DDX60L: variants seen among roughly 807,000 people sequenced by gnomAD.
DDX60L encodes the protein DExD/H-box 60 like.
A neutral mutation model predicts 211.6 loss-of-function variants in DDX60L; 191 were observed. The observed-to-expected ratio is 0.90, with a 90% confidence interval of 0.80 to 1.02. The LOEUF (loss-of-function observed/expected upper bound fraction) is 1.02. Among genes scored for constraint, DDX60L ranks in the 50% least tolerant of loss-of-function variants. The pLI is 0.00. For synonymous variants in DDX60L, 706 were observed against 694.1 expected, an observed-to-expected ratio of 1.02 and a Z score of -0.27; for missense variants, 2,007 against 1,984.1, an observed-to-expected ratio of 1.01 and a Z score of -0.22.
chr4:168,415,611 G>A, intron 21 of DDX60L, 46 bp downstream of exon 21: 1 of 1,444,412 alleles, frequency 6.9e-7, no homozygotes, highest in South Asian at 1.4e-5. Context: ...AAGCTTTGTA[G>A]TAAAATATAA....
At chr4:168,358,441 T>A (rs1455291463) in intron 37 of DDX60L, among the ~76,000 whole-genome samples, 165 bp from the exon 38 acceptor site, 1 of 151,956 alleles carries the variant, frequency 6.6e-6, no homozygotes, top group Non-Finnish European at 1.5e-5. Context: ...TCTTGTAAAA[T>A]CTTTACAACA....
At chr4:168,408,724 C>T (rs1291635373) in intron 22 of DDX60L, among the ~76,000 whole-genome samples, 1 of 152,142 alleles carries the variant, frequency 6.6e-6, no homozygotes, top group Non-Finnish European at 1.5e-5. Context: ...TGCCTGGTGC[C>T]GACAGCCTCT....
At chr4:168,381,586 T>TA (rs5863928) in intron 30 of DDX60L, among the ~76,000 whole-genome samples, 9 of 149,718 alleles carry the variant, frequency 6.0e-5, no homozygotes, top group African/African-American at 2.2e-4. Flanking sequence ...CAATTTTTTT[T>TA]AAAAAAAAAA....
intron 19 of DDX60L, 84 bp downstream of exon 19, chr4:168,419,218 G>A (rs930906445): frequency 9.8e-6 from 9 of 917,352 alleles, no homozygotes; most frequent in Non-Finnish European, 1.2e-5. Context: ...TGCCATCATT[G>A]AAAAAGCCCT....
intron 4 of DDX60L, 51 bp downstream of exon 4, chr4:168,471,696 T>C (rs1758800074): frequency 1.4e-6 from 2 of 1,419,110 alleles, no homozygotes; most frequent in Admixed American, 4.9e-5. Flanking sequence ...GTTAAGACAT[T>C]TCAGTTATAG....
chr4:168,474,575 T>C (rs1161767438), intron 1 of DDX60L, among the ~76,000 whole-genome samples: 5 of 152,070 alleles, frequency 3.3e-5, no homozygotes, highest in Non-Finnish European at 7.4e-5. Flanking sequence ...CATGCTGCTA[T>C]TGAAAAGAAA....
chr4:168,402,983 A>T (rs896942624), intron 25 of DDX60L, among the ~76,000 whole-genome samples: 27 of 152,226 alleles, frequency 1.8e-4, no homozygotes, highest in African/African-American at 6.3e-4. Context: ...TTCTGTTCAG[A>T]TTCCTATCCC....
At chr4:168,399,431 G>C (rs762360369) in intron 26 of DDX60L, among the ~76,000 whole-genome samples, 2 of 152,194 alleles carry the variant, frequency 1.3e-5, no homozygotes, top group Non-Finnish European at 2.9e-5. Context: ...CAGGAAGCTG[G>C]TGCCCGTGAC....
At chr4:168,381,589 A>T (rs1435280545) in intron 30 of DDX60L, among the ~76,000 whole-genome samples, 1 of 150,250 alleles carries the variant, frequency 6.7e-6, no homozygotes, top group South Asian at 2.1e-4. Context: ...TTTTTTTTAA[A>T]AAAAAAAACT....
At chr4:168,381,871 C>A (rs1338425608) in intron 30 of DDX60L, among the ~76,000 whole-genome samples, 1 of 152,040 alleles carries the variant, frequency 6.6e-6, no homozygotes, top group East Asian at 1.9e-4. Context: ...AATATGCCAC[C>A]CTCACAAACG....
chr4:168,401,039 A>G, intron 25 of DDX60L, 61 bp from the exon 26 acceptor site: 13 of 1,499,956 alleles, frequency 8.7e-6, no homozygotes, highest in Non-Finnish European at 1.1e-5. Flanking sequence ...TTGTAAACCA[A>G]AAATAAAATT....
Position 168,430,647 on chromosome 4 carries a change from GA to G in DDX60L, c.1517-10del, listed in dbSNP as rs1752202695. Reference sequence around the variant, plus strand: ...AGGATCTCTAGATTGTTCTGAAATAGAAAGACTTAAAATGTAAACATGTATT... The same window carrying G: ...AGGATCTCTAGATTGTTCTGAAATAGAAGACTTAAAATGTAAACATGTATT... On this transcript the variant is annotated splice_polypyrimidine_tract_variant and intron_variant, in intron 12 of 37. Coordinates refer to ENST00000682922, the MANE Select transcript of DDX60L (RefSeq NM_001012967.3). 9.9e-6 allele frequency: 15 copies of G among 1,516,854 alleles called. No individual in the cohort carries two copies. The highest frequency in any genetic ancestry group is 1.2e-5 in the Non-Finnish European group (14 of 1,132,052). 94.0% of individuals were successfully genotyped at this position (1,516,854 alleles called of 1,614,324 possible).
rs1465384944 is a variant in DDX60L at position 168,395,971 on chromosome 4, C to G, written c.3645G>C (p.Arg1215Ser). ...DVKALHTEIT[R>S]NKDSTLERVL... ...TTCTCTGACGTACTGAGTCTTTATT[C>G]CTGGTAATTTCAGTGTGTAGGGCTT... Residue 1215 changes from arginine to serine, a missense_variant, in exon 27 of 38, where the codon AGG becomes AGC. Transcript: ENST00000682922. The G allele has an allele frequency of 1.2e-6, 2 of 1,600,308 alleles. No individual in the cohort carries two copies. Among genetic ancestry groups the G allele is most frequent in the South Asian group, 2.3e-5 (2 of 88,654 alleles).
intron 9 of DDX60L, among the ~76,000 whole-genome samples, chr4:168,447,025 G>A (rs1377984397): frequency 2.2e-4 from 27 of 125,034 alleles, no homozygotes; most frequent in African/African-American, 6.7e-4. Context: ...GCCAAAATTG[G>A]CAAATGGGAT....
intron 4 of DDX60L, chr4:168,470,244 G>T (rs556751880): frequency 6.6e-6 from 1 of 152,312 alleles, no homozygotes; most frequent in African/African-American, 2.4e-5. Context: ...AACTACCTTA[G>T]GAAAAGCTTT....
chr4:168,364,213 A>G (rs1212903670), intron 36 of DDX60L, among the ~76,000 whole-genome samples: 1 of 152,228 alleles, frequency 6.6e-6, no homozygotes, highest in Non-Finnish European at 1.5e-5. Context: ...GAAGGAAGGG[A>G]CAAAGATATC....
At chr4:168,477,279 G>A (rs566260529) in intron 1 of DDX60L, among the ~76,000 whole-genome samples, 6 of 152,154 alleles carry the variant, frequency 3.9e-5, no homozygotes, top group East Asian at 3.9e-4. Flanking sequence ...GCCGGGCGTG[G>A]TGGCAGGCGC....
chr4:168,393,062 T>C (rs774065110), intron 28 of DDX60L, among the ~76,000 whole-genome samples: 10 of 152,188 alleles, frequency 6.6e-5, no homozygotes, highest in Non-Finnish European at 1.0e-4. Context: ...ATGAAAACTT[T>C]TCTGGTTATT....
At chr4:168,362,702 T>C (rs1739311684) in intron 36 of DDX60L, among the ~76,000 whole-genome samples, 1 of 152,144 alleles carries the variant, frequency 6.6e-6, no homozygotes, top group Non-Finnish European at 1.5e-5. Flanking sequence ...ATGAGAGCTT[T>C]AGCAACAGAC....
Sources: allele counts gnomAD v4.1 joint callset (sites outside exome capture counted in the v4.1 genomes callset), GRCh38; gene constraint gnomAD v4.1.1; transcripts MANE v1.5; gene names NCBI Gene and HGNC (gene_info 2026-07-23, HGNC 2026-07-21).